STRIP2: variants seen among roughly 807,000 people sequenced by gnomAD.
STRIP2 encodes the protein striatin-interacting protein 2.
Under a neutral mutation model 107.1 loss-of-function variants are expected in STRIP2, and 84 were observed. The ratio of observed to expected loss-of-function variants is 0.78; its 90% CI spans 0.66 to 0.94. The LOEUF (loss-of-function observed/expected upper bound fraction) is 0.94, where lower values mean the gene tolerates loss of function less well. Ranked by LOEUF, STRIP2 falls within the 40% of genes least tolerant of loss-of-function variation. STRIP2 has a pLI of 0.00. For synonymous variants in STRIP2, 394 were observed against 400.4 expected (o/e 0.98, Z 0.19); for missense variants, 888 against 1,034.2 (o/e 0.86, Z 1.94).
chr7:129,440,230 C>T, intron 2 of STRIP2, 139 bp downstream of exon 2: 1 of 672,122 alleles, frequency 1.5e-6, no homozygotes, highest in Non-Finnish European at 2.7e-6. Context: ...CTTTTCCTCT[C>T]CATCCAAGTG....
At chr7:129,450,402 G>C (rs897135181) in intron 3 of STRIP2, among the ~76,000 whole-genome samples, 3 of 152,178 alleles carry the variant, frequency 2.0e-5, no homozygotes, top group African/African-American at 4.8e-5. Context: ...AGCTGGTGCT[G>C]TGCTGCCTGA....
chr7:129,477,207 G>GGAGGGA (rs1379308837), intron 18 of STRIP2, among the ~76,000 whole-genome samples: 1 of 7,946 alleles, frequency 1.3e-4, no homozygotes, highest in Non-Finnish European at 7.6e-4. Flanking sequence ...AGGGGGAGGG[G>GGAGGGA]GAGGGGGAGG....
At chr7:129,467,789 A>G (rs1055824709) in intron 17 of STRIP2, among the ~76,000 whole-genome samples, 1 of 152,148 alleles carries the variant, frequency 6.6e-6, no homozygotes, top group Non-Finnish European at 1.5e-5. Context: ...TTTAGTATAA[A>G]TCATAAGTTG....
intron 6 of STRIP2, 71 bp downstream of exon 6, chr7:129,454,281 C>T (rs1584946491): frequency 6.5e-7 from 1 of 1,548,370 alleles, no homozygotes; most frequent in South Asian, 1.1e-5. Flanking sequence ...TCCCCAAATC[C>T]CAGATGACTC....
At chr7:129,436,748 A>C (rs1210854107) in intron 1 of STRIP2, among the ~76,000 whole-genome samples, 2 of 152,226 alleles carry the variant, frequency 1.3e-5, no homozygotes, top group African/African-American at 4.8e-5. Context: ...TTAGAAAATC[A>C]CTAGAAGAGA....
At chr7:129,476,219 C>T (rs1461916089) in intron 18 of STRIP2, among the ~76,000 whole-genome samples, 2 of 149,216 alleles carry the variant, frequency 1.3e-5, no homozygotes. Flanking sequence ...CCGGACGGGG[C>T]GGCTGGCCGG....
At position 129,470,549 on chromosome 7, in the gene STRIP2, A is replaced by G. The variant is rs938935126; in HGVS notation, c.1878-100A>G. On this transcript the variant is annotated intron_variant, in intron 17 of 20. Coordinates refer to ENST00000249344, the MANE Select transcript of STRIP2 (RefSeq NM_020704.3). ...TCACTAAGCAATTTGGGAAATGGAT[A>G]GGGGCTGCTGGAGAGAAATAACTCC... The G allele has an allele frequency of 8.2e-6, 8 of 969,908 alleles. No individual in the cohort carries two copies. In the East Asian group the frequency reaches 9.9e-5, roughly 12 times the overall value. The allele number at this position is 969,908 out of a possible 1,614,324, so 60.1% of individuals were successfully genotyped here. A position where few individuals can be genotyped will look rare whatever the true frequency, so the allele number is the denominator to read the frequency against.
Position 129,440,036 on chromosome 7 carries a change from T to C in STRIP2, c.144T>C (p.Cys48=), listed in dbSNP as rs1797855009. ...QRRESEGSVD[C]PTLEFEYGDA... ...CTCTGTTACAGGGCTCTGTGGACTGTCCCACTCTGGAGTTTGAGTATGGAG... is the reference window on the plus strand; with the variant it reads ...CTCTGTTACAGGGCTCTGTGGACTGCCCCACTCTGGAGTTTGAGTATGGAG... The change falls in exon 2 of 21, where the codon TGT becomes TGC. Residue 48 remains cysteine (C), a synonymous_variant. Transcript: ENST00000249344. 5.0e-6 allele frequency: 8 copies of C among 1,614,012 alleles called. No individual in the cohort carries two copies. Among genetic ancestry groups the C allele is most frequent in the East Asian group, 2.2e-5 (1 of 44,894 alleles).
At chr7:129,485,457 A>T in intron 20 of STRIP2, 122 bp from the exon 21 acceptor site, 4 of 836,926 alleles carry the variant, frequency 4.8e-6, no homozygotes, top group Non-Finnish European at 6.5e-6. Context: ...GCTCTTTACA[A>T]AAAAAAAAAA....
At chr7:129,471,167 G>A (rs1039402552) in intron 18 of STRIP2, among the ~76,000 whole-genome samples, 4 of 152,032 alleles carry the variant, frequency 2.6e-5, no homozygotes, top group African/African-American at 9.7e-5. Context: ...TCTCTCGGAG[G>A]CAAAAGTCTA....
intron 1 of STRIP2, among the ~76,000 whole-genome samples, chr7:129,434,976 G>T (rs1797693667): frequency 6.6e-6 from 1 of 152,252 alleles, no homozygotes; most frequent in Non-Finnish European, 1.5e-5. Context: ...TGACTGGCTT[G>T]AGGGGTGGGA....
intron 2 of STRIP2, among the ~76,000 whole-genome samples, chr7:129,441,887 A>C (rs899922068): frequency 6.6e-6 from 1 of 152,208 alleles, no homozygotes; most frequent in African/African-American, 2.4e-5. Context: ...AAGTGCTGGG[A>C]CTACAGGTGT....
intron 17 of STRIP2, among the ~76,000 whole-genome samples, chr7:129,469,126 G>C (rs1013171006): frequency 6.6e-6 from 1 of 152,176 alleles, no homozygotes; most frequent in East Asian, 1.9e-4. Flanking sequence ...TACAGAAATT[G>C]AATGTTCCTT....
chr7:129,453,281 A>G lies in STRIP2; in HGVS notation c.464A>G (p.Asn155Ser). 3 of 1,614,116 alleles carry G rather than the reference A, an allele frequency of 1.9e-6. No individual in the cohort carries two copies. The highest frequency in any genetic ancestry group is 2.5e-6 in the Non-Finnish European group (3 of 1,179,998). Reference sequence around the variant, plus strand: ...GATGTGCTACACTGGTCCAGGTACAACTGCTTCCTGCTGTATCAGATGGGG... The same window carrying G: ...GATGTGCTACACTGGTCCAGGTACAGCTGCTTCCTGCTGTATCAGATGGGG... ...EVDVLHWSRY[N>S]CFLLYQMGTF... Residue 155 changes from asparagine to serine, a missense_variant, in exon 5 of 21, where the codon AAC becomes AGC. Transcript: ENST00000249344.
Position 129,485,625 on chromosome 7 carries a change from G to A in STRIP2, c.2301G>A (p.Leu767=), listed in dbSNP as rs373137784. The A allele has an allele frequency of 6.2e-7, 1 of 1,613,870 alleles. No individual in the cohort carries two copies. The highest frequency in any genetic ancestry group is 1.3e-5 in the African/African-American group (1 of 74,856). The change falls in exon 21 of 21, where the codon TTG becomes TTA. Residue 767 remains leucine, a synonymous_variant. Coordinates refer to ENST00000249344, the MANE Select transcript of STRIP2 (RefSeq NM_020704.3). The stretch of plus-strand genomic sequence containing the variant: ...ACTTCCAAGCAGAAGAATGTACCTT[G>A]AGGGCCAACATTGAGGCTTTTAACA... ...PWDFQAEECT[L]RANIEAFNSR...
intron 17 of STRIP2, among the ~76,000 whole-genome samples, chr7:129,469,170 C>T (rs969260545): frequency 6.6e-5 from 10 of 152,126 alleles, no homozygotes; most frequent in South Asian, 2.1e-4. Context: ...GAGGTACAGA[C>T]AATTCAATAG....
chr7:129,485,935 G>C lies in STRIP2; in HGVS notation c.*106G>C. Reference sequence around the variant, plus strand: ...CTGTTACCAGTTCAGGGCTCTTCTGGGGGCTCTTGGGCCTAAAGATGGTGC... The same window carrying C: ...CTGTTACCAGTTCAGGGCTCTTCTGCGGGCTCTTGGGCCTAAAGATGGTGC... On this transcript the variant is annotated 3_prime_UTR_variant, in exon 21 of 21. Coordinates refer to ENST00000249344, the MANE Select transcript of STRIP2 (RefSeq NM_020704.3). 1 of 1,296,152 alleles carries C rather than the reference G, an allele frequency of 7.7e-7. No homozygotes were observed. The highest frequency in any genetic ancestry group is 1.9e-5 in the Admixed American group (1 of 51,444). 80.3% of individuals were successfully genotyped at this position (1,296,152 alleles called of 1,614,324 possible). A position where few individuals can be genotyped will look rare whatever the true frequency, so the allele number is the denominator to read the frequency against.
At chr7:129,466,181 T>C (rs550988180) in intron 16 of STRIP2, among the ~76,000 whole-genome samples, 27 of 152,158 alleles carry the variant, frequency 1.8e-4, no homozygotes, top group Middle Eastern at 3.4e-3. Context: ...GACAGGTGGA[T>C]GGCTTGATGG....
chr7:129,439,506 C>T (rs1797840700), intron 1 of STRIP2, among the ~76,000 whole-genome samples: 1 of 152,146 alleles, frequency 6.6e-6, no homozygotes, highest in South Asian at 2.1e-4. Flanking sequence ...TTTACTACAA[C>T]TTGGAGTGGA....
Sources: gnomAD v4.1 joint callset for allele counts (sites outside exome capture counted in the v4.1 genomes callset) on GRCh38, gnomAD v4.1.1 for gene constraint, MANE v1.5 for transcripts, NCBI Gene and HGNC (gene_info 2026-07-23, HGNC 2026-07-21) for gene names.